Variants in SPAG1 observed in about 807,000 individuals in gnomAD.
The protein encoded by SPAG1 is sperm-associated antigen 1.
In SPAG1, 69 loss-of-function variants were observed where a neutral mutation model predicts 100.5. The ratio of observed to expected loss-of-function variants is 0.69; its 90% CI spans 0.57 to 0.84. SPAG1 has a LOEUF of 0.84. SPAG1 is among the 40% of genes least tolerant of loss of function. SPAG1 has a pLI of 0.00. For synonymous variants in SPAG1, 336 were observed against 411.6 expected (o/e 0.82, Z 2.22); for missense variants, 955 against 1,133.1 (o/e 0.84, Z 2.26).
Position 100,177,920 on chromosome 8 carries a change from C to T in SPAG1, c.405C>T (p.Asn135=). ...ATTTGCCTCCAGTTCGTGGTTCAAA[C>T]AGCTGTCTTCATGTAGGCAAGGTAG... ...KDNLPPVRGS[N]SCLHVGKEKY... Residue 135 remains asparagine, a synonymous_variant, in exon 4 of 19, where the codon AAC becomes AAT. Transcript: ENST00000388798. 6.2e-7 allele frequency: 1 copy of T among 1,612,744 alleles called. No homozygotes were observed. The highest frequency in any genetic ancestry group is 8.5e-7 in the Non-Finnish European group (1 of 1,178,952).
chr8:100,187,333 T>C (rs1816628123), intron 8 of SPAG1, 83 bp downstream of exon 8: 1 of 1,149,856 alleles, frequency 8.7e-7, no homozygotes, highest in African/African-American at 1.6e-5. Flanking sequence ...AATGTTTACA[T>C]TAAAAATATT....
At chr8:100,224,467 G>A (rs1415703686) in intron 13 of SPAG1, among the ~76,000 whole-genome samples, 8 of 152,114 alleles carry the variant, frequency 5.3e-5, no homozygotes, top group Non-Finnish European at 8.8e-5. Context: ...GCCTGAACCC[G>A]GGAGGCAGAG....
At chr8:100,168,318 T>TCATGTA (rs1207130263) in intron 3 of SPAG1, among the ~76,000 whole-genome samples, 1 of 152,218 alleles carries the variant, frequency 6.6e-6, no homozygotes, top group African/African-American at 2.4e-5. Flanking sequence ...GAGTGTCTTT[T>TCATGTA]CATGTAACTT....
chr8:100,203,262 C>T (rs574163355), intron 10 of SPAG1, among the ~76,000 whole-genome samples: 4 of 152,114 alleles, frequency 2.6e-5, no homozygotes, highest in Admixed American at 6.5e-5. Flanking sequence ...GCTCTCCTTG[C>T]TCCTCAAGCT....
At chr8:100,220,780 T>C (rs3020182) in intron 13 of SPAG1, among the ~76,000 whole-genome samples, 99,352 of 152,062 alleles carry the variant, frequency 0.65, 32,756 homozygotes, top group African/African-American at 0.74. Context: ...TATCATAAAA[T>C]CAGTACTAGT....
At chr8:100,220,830 T>C (rs1818238842) in intron 13 of SPAG1, among the ~76,000 whole-genome samples, 1 of 152,190 alleles carries the variant, frequency 6.6e-6, no homozygotes, top group South Asian at 2.1e-4. Context: ...CCTAGCACTT[T>C]GGGAGGCCAA....
At chr8:100,160,932 A>AT (rs1237635061) in intron 1 of SPAG1, among the ~76,000 whole-genome samples, 1 of 152,212 alleles carries the variant, frequency 6.6e-6, no homozygotes, top group Non-Finnish European at 1.5e-5. Context: ...TAATCTGTGT[A>AT]TGGCACACAG....
At chr8:100,201,244 G>C (rs1817263294) in intron 10 of SPAG1, among the ~76,000 whole-genome samples, 1 of 151,622 alleles carries the variant, frequency 6.6e-6, no homozygotes, top group Non-Finnish European at 1.5e-5. Flanking sequence ...CAGCCTCCCA[G>C]GTAGCCTGGA....
chr8:100,240,265 A>T (rs1180022535), intron 17 of SPAG1, 138 bp from the exon 18 acceptor site: 1 of 733,326 alleles, frequency 1.4e-6, no homozygotes, highest in Non-Finnish European at 2.1e-6. Flanking sequence ...AAAAAAAATT[A>T]TTACAAAGTT....
intron 1 of SPAG1, among the ~76,000 whole-genome samples, chr8:100,161,715 GC>G (rs1242375342): frequency 6.6e-6 from 1 of 152,130 alleles, no homozygotes; most frequent in Non-Finnish European, 1.5e-5. Context: ...AAGGGTAATT[GC>G]CCCAGCACCT....
At chr8:100,217,241 C>T (rs1191521610) in intron 12 of SPAG1, among the ~76,000 whole-genome samples, 1 of 151,664 alleles carries the variant, frequency 6.6e-6, no homozygotes, top group East Asian at 1.9e-4. Flanking sequence ...GTGCCTGGCC[C>T]AAAAGTTCTT....
chr8:100,209,424 C>A (rs144914928), intron 10 of SPAG1, among the ~76,000 whole-genome samples: 86 of 145,694 alleles, frequency 5.9e-4, no homozygotes, highest in African/African-American at 2.1e-3. Context: ...GAGACCCTGT[C>A]TCAAAAAAAA....
chr8:100,187,661 T>C (rs1816643049), intron 8 of SPAG1, among the ~76,000 whole-genome samples: 1 of 151,940 alleles, frequency 6.6e-6, no homozygotes, highest in Non-Finnish European at 1.5e-5. Flanking sequence ...CAAAACTCTG[T>C]GTCTCAAAAA....
At chr8:100,219,511 G>A (rs761043836) in intron 12 of SPAG1, among the ~76,000 whole-genome samples, 6 of 152,166 alleles carry the variant, frequency 3.9e-5, no homozygotes, top group South Asian at 2.1e-4. Flanking sequence ...AAGGCTCTGC[G>A]CTGCCTTTTG....
intron 3 of SPAG1, among the ~76,000 whole-genome samples, chr8:100,171,576 T>G (rs1033901894): frequency 2.6e-5 from 4 of 152,196 alleles, no homozygotes; most frequent in Admixed American, 2.0e-4. Flanking sequence ...CTTCCTCCTT[T>G]CTGATATTTT....
chr8:100,206,952 T>C (rs986908648), intron 10 of SPAG1, among the ~76,000 whole-genome samples: 2 of 152,228 alleles, frequency 1.3e-5, no homozygotes, highest in African/African-American at 2.4e-5. Context: ...GAGGTGTCAG[T>C]GGCAGATAGG....
chr8:100,194,356 G>T (rs763863636), intron 10 of SPAG1, 88 bp downstream of exon 10: 1 of 1,535,700 alleles, frequency 6.5e-7, no homozygotes, highest in Non-Finnish European at 8.8e-7. Flanking sequence ...ACAGAAATTC[G>T]TAATCTATCA....
At chr8:100,179,796 G>T (rs1490542169) in intron 4 of SPAG1, among the ~76,000 whole-genome samples, 2 of 152,196 alleles carry the variant, frequency 1.3e-5, no homozygotes, top group African/African-American at 4.8e-5. Context: ...TTGTGACAAA[G>T]TGAGAAGTAT....
At chr8:100,204,762 C>T (rs1027504081) in intron 10 of SPAG1, among the ~76,000 whole-genome samples, 1 of 152,252 alleles carries the variant, frequency 6.6e-6, no homozygotes, top group African/African-American at 2.4e-5. Flanking sequence ...GAGGGGAGCA[C>T]CTGCATCTTT....
Sources: gnomAD v4.1 joint callset for allele counts (sites outside exome capture counted in the v4.1 genomes callset) on GRCh38, gnomAD v4.1.1 for gene constraint, MANE v1.5 for transcripts, NCBI Gene and HGNC (gene_info 2026-07-23, HGNC 2026-07-21) for gene names.